DYNC1I2: variants seen among roughly 807,000 people sequenced by gnomAD.
DYNC1I2 encodes dynein cytoplasmic 1 intermediate chain 2, also known as cytoplasmic dynein 1 intermediate chain 2.
DYNC1I2 carries 53 observed loss-of-function variants against 88.6 expected under a neutral mutation model. That is an observed-to-expected ratio of 0.60 (90% CI 0.48 to 0.75). The LOEUF (loss-of-function observed/expected upper bound fraction) is 0.75. DYNC1I2 is among the 30% of genes least tolerant of loss of function. The pLI is 0.00. For synonymous variants in DYNC1I2, 198 were observed against 254.6 expected, an observed-to-expected ratio of 0.78 and a Z score of 2.12; for missense variants, 458 against 766.6, an observed-to-expected ratio of 0.60 and a Z score of 4.75.
chr2:171,729,898 C>G (rs1241356134), intron 15 of DYNC1I2, 45 bp downstream of exon 15: 2 of 1,605,010 alleles, frequency 1.2e-6, no homozygotes, highest in Non-Finnish European at 8.5e-7. Context: ...GTTTCTGACA[C>G]AAGGTGGTGA....
chr2:171,692,883 A>T lies in DYNC1I2; in HGVS notation c.215A>T (p.Glu72Val), dbSNP rs200589157. ...CTTCAAAGCATGGGGCTAACTCCAG[A>T]ATCCCCCATTGGTAAGGTTAAGAAT... is the stretch of plus-strand genomic sequence containing the variant. ...ALLQSMGLTP[E>V]SPIVFSEYWV... The change falls in exon 3 of 18, where the codon GAA becomes GTA. Residue 72 changes from glutamate to valine, a missense_variant. Physicochemically the swap from Glu to Val is moderately radical, Grantham distance 121. Around this residue, in one of 5 missense-constraint regions of DYNC1I2, gnomAD observed 55 missense variants for 57.1 expected, o/e 0.96. Coordinates refer to ENST00000397119, the MANE Select transcript of DYNC1I2 (RefSeq NM_001378.3). 17 of 1,598,392 alleles carry T rather than the reference A, an allele frequency of 1.1e-5. No individual in the cohort carries two copies. The highest frequency in any genetic ancestry group is 1.5e-5 in the Non-Finnish European group (17 of 1,171,540).
intron 3 of DYNC1I2, among the ~76,000 whole-genome samples, chr2:171,701,040 A>G (rs190532986): frequency 5.9e-5 from 9 of 152,374 alleles, no homozygotes; most frequent in Admixed American, 2.6e-4. Context: ...TTTGTAGCCA[A>G]TAACAAACTG....
intron 7 of DYNC1I2, among the ~76,000 whole-genome samples, chr2:171,716,631 G>A (rs894088457): frequency 2.0e-5 from 3 of 152,016 alleles, no homozygotes; most frequent in Non-Finnish European, 4.4e-5. Context: ...GATTGTGGCC[G>A]GACGTGGTGG....
intron 15 of DYNC1I2, among the ~76,000 whole-genome samples, chr2:171,742,334 A>G (rs1330600700): frequency 2.0e-5 from 3 of 151,932 alleles, no homozygotes; most frequent in African/African-American, 7.2e-5. Flanking sequence ...CACCATGCTC[A>G]GCTAATTTTT....
intron 7 of DYNC1I2, among the ~76,000 whole-genome samples, chr2:171,721,706 A>G (rs1393432317): frequency 6.6e-6 from 1 of 152,204 alleles, no homozygotes; most frequent in Non-Finnish European, 1.5e-5. Flanking sequence ...CCTTTATACC[A>G]GGAATAACCA....
intron 3 of DYNC1I2, among the ~76,000 whole-genome samples, chr2:171,699,206 G>A (rs568406003): frequency 6.6e-6 from 1 of 151,922 alleles, no homozygotes; most frequent in South Asian, 2.1e-4. Flanking sequence ...ACTCTGGAGG[G>A]TGAGGCAGGA....
chr2:171,695,369 G>T (rs1244597010), intron 3 of DYNC1I2, among the ~76,000 whole-genome samples: 2 of 152,058 alleles, frequency 1.3e-5, no homozygotes, highest in Non-Finnish European at 2.9e-5. Flanking sequence ...AAAGTGCTTG[G>T]ATTACAGGTG....
chr2:171,689,396 C>T (rs1176818135), intron 1 of DYNC1I2, among the ~76,000 whole-genome samples: 1 of 152,160 alleles, frequency 6.6e-6, no homozygotes, highest in Non-Finnish European at 1.5e-5. Context: ...CAGGAAAGTT[C>T]AGTTTGACCT....
chr2:171,737,824 T>C lies in DYNC1I2; in HGVS notation c.1537-6225T>C, dbSNP rs1034786142. On this transcript the variant is annotated intron_variant, in intron 15 of 17. Coordinates refer to ENST00000397119, the MANE Select transcript of DYNC1I2 (RefSeq NM_001378.3). The stretch of plus-strand genomic sequence containing the variant: ...TAGATGATTTTTTTTTTTTAACTTT[T>C]AGGTTCAGGGGTACGTTTGCAGGTT... Among the ~76,000 whole-genome samples the C allele has an allele frequency of 4.6e-5, 7 of 152,160 alleles. No individual in the cohort carries two copies. The East Asian group carries it at 7.7e-4, about 17-fold the overall frequency.
rs111939446 is a variant in DYNC1I2 at position 171,705,542 on chromosome 2, T to C, written c.227-1005T>C. Reference sequence around the variant, plus strand: ...ATTGTGGTGCCTCACTATAATTTAATAAACATTTATTTGTGTTTACAGCAC... The same window carrying C: ...ATTGTGGTGCCTCACTATAATTTAACAAACATTTATTTGTGTTTACAGCAC... On this transcript the variant is annotated intron_variant, in intron 3 of 17. Transcript: ENST00000397119. Among the ~76,000 whole-genome samples, 560 of 152,248 alleles carry C rather than the reference T, an allele frequency of 3.7e-3. 4 individuals are homozygous for C. Among genetic ancestry groups the C allele is most frequent in the Non-Finnish European group, 5.4e-3 (364 of 67,930 alleles).
At chr2:171,725,013 A>G (rs1479283064) in intron 7 of DYNC1I2, among the ~76,000 whole-genome samples, 1 of 152,206 alleles carries the variant, frequency 6.6e-6, no homozygotes, top group African/African-American at 2.4e-5. Flanking sequence ...TGAGACTTGC[A>G]TTTAAAATGA....
chr2:171,688,500 G>C (rs1158453847), intron 1 of DYNC1I2: 2 of 152,166 alleles, frequency 1.3e-5, no homozygotes, highest in Non-Finnish European at 2.9e-5. Context: ...AATGTGCCTA[G>C]CGTAGCATAC....
At chr2:171,709,154 A>G (rs1440112364) in intron 5 of DYNC1I2, among the ~76,000 whole-genome samples, 3 of 152,158 alleles carry the variant, frequency 2.0e-5, no homozygotes, top group Admixed American at 6.5e-5. Context: ...TTATGTAGAT[A>G]CTATACTGTG....
intron 5 of DYNC1I2, among the ~76,000 whole-genome samples, chr2:171,708,193 A>T (rs1040883594): frequency 2.6e-5 from 4 of 152,130 alleles, no homozygotes; most frequent in African/African-American, 9.7e-5. Flanking sequence ...TTGGGCCAGG[A>T]AGTTGCATGT....
intron 3 of DYNC1I2, among the ~76,000 whole-genome samples, chr2:171,705,407 A>G (rs953653627): frequency 3.9e-5 from 6 of 152,064 alleles, no homozygotes; most frequent in African/African-American, 1.4e-4. Flanking sequence ...AATTTTACTA[A>G]TTTTCCTCCA....
Position 171,690,132 on chromosome 2 carries a change from T to C in DYNC1I2, c.-9-15T>C. The stretch of plus-strand genomic sequence containing the variant: ...TGTGCTGCTTTTACTAACATAATGA[T>C]TATATGTTTCTAAGGTCACAAACAT... On this transcript the variant is annotated splice_polypyrimidine_tract_variant and intron_variant, in intron 1 of 17. Coordinates refer to ENST00000397119, the MANE Select transcript of DYNC1I2 (RefSeq NM_001378.3). The C allele has an allele frequency of 1.4e-6, 2 of 1,464,244 alleles. No homozygotes were observed. The highest frequency in any genetic ancestry group is 1.9e-6 in the Non-Finnish European group (2 of 1,080,468). 90.7% of individuals were successfully genotyped at this position (1,464,244 alleles called of 1,614,324 possible). A position where few individuals can be genotyped will look rare whatever the true frequency, so the allele number is the denominator to read the frequency against.
In DYNC1I2 at chr2:171,749,128, A is replaced by T. The variant is rs1042016451; in HGVS notation, c.*1239A>T. Among the ~76,000 whole-genome samples, 7 of 152,184 alleles carry T rather than the reference A, an allele frequency of 4.6e-5. No homozygotes were observed. Among genetic ancestry groups the T allele is most frequent in the Non-Finnish European group, 8.8e-5 (6 of 67,998 alleles). ...TGTAACAAAGATTTGTTGGGAGAGA[A>T]ATTTCCAAATAATGAGTAGTGTATA... On this transcript the variant is annotated 3_prime_UTR_variant, in exon 18 of 18. Transcript: ENST00000397119.
intron 1 of DYNC1I2, among the ~76,000 whole-genome samples, chr2:171,689,512 A>G (rs1685221583): frequency 6.6e-6 from 1 of 152,146 alleles, no homozygotes; most frequent in Non-Finnish European, 1.5e-5. Flanking sequence ...CCTCTGTTTT[A>G]AGAGCCAGTT....
intron 15 of DYNC1I2, 132 bp from the exon 16 acceptor site, chr2:171,743,917 C>A: frequency 1.3e-6 from 1 of 794,334 alleles, no homozygotes; most frequent in Non-Finnish European, 1.8e-6. Context: ...GGAACTTTTT[C>A]TAGGCTGAGT....
Sources: gnomAD v4.1 joint callset for allele counts (sites outside exome capture counted in the v4.1 genomes callset) on GRCh38, gnomAD v4.1.1 for gene constraint, gnomAD v4.1.1 regional missense constraint, MANE v1.5 for transcripts, NCBI Gene and HGNC (gene_info 2026-07-23, HGNC 2026-07-21) for gene names.